The following KLHL10 variants were observed in gnomAD, a reference collection of about 807,000 sequenced individuals.
KLHL10 encodes the protein kelch-like protein 10.
Under a neutral mutation model 46.6 loss-of-function variants are expected in KLHL10, and 11 were observed. The observed-to-expected ratio is 0.24, with a 90% CI of 0.15 to 0.39. The LOEUF (loss-of-function observed/expected upper bound fraction) is 0.39, where lower values mean the gene tolerates loss of function less well. Ranked by LOEUF, KLHL10 falls within the 10% of genes least tolerant of loss-of-function variation. The probability of loss-of-function intolerance (pLI) is 1.00; values close to 1 mark genes in which losing one functional copy is unlikely to be tolerated. For synonymous variants in KLHL10, 254 were observed against 279.1 expected (o/e 0.91, Z 0.90); for missense variants, 475 against 789.8 (o/e 0.60, Z 4.78).
intron 1 of KLHL10, 77 bp from the exon 2 acceptor site, chr17:41,841,746 T>C (rs781812211): frequency 3.8e-6 from 6 of 1,584,892 alleles, no homozygotes; most frequent in Non-Finnish European, 5.2e-6. Context: ...CACCCCACTT[T>C]CTCAGACCAT....
Position 41,845,600 on chromosome 17 carries a change from T to C in KLHL10, c.1159T>C (p.Phe387Leu), listed in dbSNP as rs1378117680. 1.2e-6 allele frequency: 2 copies of C among 1,614,076 alleles called. No homozygotes were observed. The highest frequency in any genetic ancestry group is 1.7e-6 in the Non-Finnish European group (2 of 1,179,956). ...CYVSVTVLGN[F>L]IYAMGGFDGY... The stretch of plus-strand genomic sequence containing the variant: ...TGTCAGTGTGACAGTCCTCGGCAAT[T>C]TTATTTATGCCATGGGAGGATTTGA... Residue 387 changes from phenylalanine to leucine, a missense_variant, in exon 3 of 5, where the codon TTT becomes CTT. Transcript: ENST00000293303.
upstream of KLHL10, chr17:41,836,369 G>T (rs1474594816): frequency 4.9e-6 from 6 of 1,225,644 alleles, no homozygotes; most frequent in Non-Finnish European, 1.0e-6. Flanking sequence ...TGGGCTTGCC[G>T]GTTGCGCTAG....
upstream of KLHL10, chr17:41,835,935 G>A (rs781844116): frequency 1.1e-4 from 168 of 1,598,524 alleles, no homozygotes; most frequent in Admixed American, 1.5e-4. Context: ...CATCAGGACC[G>A]TGGCCTTCAT....
At chr17:41,842,708 T>C (rs2048238970) in intron 2 of KLHL10, among the ~76,000 whole-genome samples, 1 of 151,976 alleles carries the variant, frequency 6.6e-6, no homozygotes, top group Admixed American at 6.6e-5. Flanking sequence ...TTGGCCAAGA[T>C]GGGCGGATTA....
chr17:41,844,581 C>A (rs1393202994), intron 2 of KLHL10, among the ~76,000 whole-genome samples: 1 of 134,502 alleles, frequency 7.4e-6, no homozygotes, highest in African/African-American at 2.9e-5. Context: ...CGGAGTCTTG[C>A]TCTGTGGCCC....
chr17:41,845,268 A>C lies in KLHL10; in HGVS notation c.827A>C (p.Asn276Thr). The C allele has an allele frequency of 1.2e-6, 2 of 1,614,182 alleles. No individual in the cohort carries two copies. Among genetic ancestry groups the C allele is most frequent in the Non-Finnish European group, 1.7e-6 (2 of 1,180,026 alleles). ...MYDLNMNGPSNSDFTNPLTRP... is the reference protein window; with the variant it reads ...MYDLNMNGPSTSDFTNPLTRP... Reference sequence around the variant, plus strand: ...GACCTCAACATGAATGGACCCTCTAATTCTGATTTCACCAACCCACTCACC... The same window carrying C: ...GACCTCAACATGAATGGACCCTCTACTTCTGATTTCACCAACCCACTCACC... Residue 276 changes from asparagine (N) to threonine (T), a missense_variant, in exon 3 of 5, where the codon AAT (asparagine) becomes ACT (threonine). By Grantham distance (65) the Asn-to-Thr change is moderately conservative. Transcript: ENST00000293303.
intron 1 of KLHL10, among the ~76,000 whole-genome samples, chr17:41,839,658 C>T (rs2048206738): frequency 6.6e-6 from 1 of 152,182 alleles, no homozygotes; most frequent in Non-Finnish European, 1.5e-5. Flanking sequence ...TGTGTCCTAC[C>T]TGTTGCTAAA....
In KLHL10 at chr17:41,847,141, CA is replaced by C. The variant is rs372363065; in HGVS notation, c.1303-112del. 621 of 888,984 alleles carry C rather than the reference CA, an allele frequency of 7.0e-4. 3 individuals carry two copies. Among genetic ancestry groups the C allele is most frequent in the South Asian group, 1.8e-3 (130 of 74,222 alleles). 55.1% of individuals were successfully genotyped at this position (888,984 alleles called of 1,614,324 possible). On this transcript the variant is annotated intron_variant, in intron 3 of 4. Transcript: ENST00000293303. ...AAATAAAAAGCAATGCATGCACATA[CA>C]AAAAAAAGAAATTCAGACTGTACAG...
chr17:41,841,728 C>CATGA, intron 1 of KLHL10, 95 bp from the exon 2 acceptor site: 3 of 1,447,758 alleles, frequency 2.1e-6, no homozygotes, highest in Non-Finnish European at 2.9e-6. Context: ...GTATATAGCA[C>CATGA]ATGCCTGCAC....
At chr17:41,838,248 T>A in intron 1 of KLHL10, 122 bp downstream of exon 1, 2 of 882,654 alleles carry the variant, frequency 2.3e-6, no homozygotes, top group Non-Finnish European at 3.5e-6. Flanking sequence ...AGCTCTGGGC[T>A]CCTTAAAAAT....
rs572837256 is a variant in KLHL10, at chr17:41,844,887, T to C, written c.685-239T>C. On this transcript the variant is annotated intron_variant, in intron 2 of 4. Transcript: ENST00000293303. ...TTTTAGTAGAGACAGGGTCTTGCTA[T>C]GTTGCCAGGCTGGTCTCAAACTCCT... Among the ~76,000 whole-genome samples, 312 of 152,116 alleles carry C rather than the reference T, an allele frequency of 2.1e-3. 2 individuals are homozygous for C. Among genetic ancestry groups the C allele is most frequent in the Non-Finnish European group, 3.3e-3 (221 of 67,982 alleles).
intron 3 of KLHL10, among the ~76,000 whole-genome samples, chr17:41,846,191 G>A (rs1191779609): frequency 2.7e-5 from 4 of 150,120 alleles, no homozygotes; most frequent in African/African-American, 9.8e-5. Context: ...CAGCCCGGGC[G>A]ACAGTGCAAG....
upstream of KLHL10, chr17:41,835,719 C>G (rs1555619823): frequency 2.2e-6 from 2 of 898,746 alleles, no homozygotes; most frequent in Non-Finnish European, 3.6e-6. Flanking sequence ...AACCAACCCG[C>G]TCTCCTTCAA....
At chr17:41,841,781 G>C (rs368986930) in intron 1 of KLHL10, 42 bp from the exon 2 acceptor site, 70 of 1,613,710 alleles carry the variant, frequency 4.3e-5, no homozygotes, top group Non-Finnish European at 5.6e-5. Flanking sequence ...CCTAACAGGA[G>C]AGAAATGTTT....
Position 41,847,975 on chromosome 17 carries a change from G to A in KLHL10, c.1495G>A (p.Ala499Thr), listed in dbSNP as rs782798161. Residue 499 changes from alanine to threonine, a missense_variant, in exon 5 of 5, where the codon GCC (alanine) becomes ACC (threonine). Transcript: ENST00000293303. ...DGANRLRSAE[A>T]YSPVANTWRT... Reference sequence around the variant, plus strand: ...AGCTAATCGACTTAGGAGTGCCGAAGCCTACAGCCCTGTGGCTAACACTTG... The same window carrying A: ...AGCTAATCGACTTAGGAGTGCCGAAACCTACAGCCCTGTGGCTAACACTTG... 7.4e-6 allele frequency: 12 copies of A among 1,614,190 alleles called. 1 individual carries two copies. The South Asian group carries it at 1.1e-4, about 15-fold the overall frequency.
At chr17:41,845,975 G>A (rs2048280299) in intron 3 of KLHL10, among the ~76,000 whole-genome samples, 1 of 152,128 alleles carries the variant, frequency 6.6e-6, no homozygotes, top group African/African-American at 2.4e-5. Flanking sequence ...ACTTTGGGAG[G>A]CCGAGGCAAG....
At position 41,844,287 on chromosome 17, in the gene KLHL10, G is replaced by C. The variant is rs1597937994; in HGVS notation, c.685-839G>C. ...GCTCTGTTGCCCAGGCTGGAGTGTG[G>C]TAGCACGATCTCGGCTCACTGCAAC... On this transcript the variant is annotated intron_variant, in intron 2 of 4. Coordinates refer to ENST00000293303, the MANE Select transcript of KLHL10 (RefSeq NM_152467.5). Among the ~76,000 whole-genome samples, 6 of 151,580 alleles carry C rather than the reference G, an allele frequency of 4.0e-5. No individual in the cohort carries two copies. In the East Asian group the frequency reaches 9.8e-4, roughly 25 times the overall value.
chr17:41,848,352 T>A lies in KLHL10; in HGVS notation c.*45T>A. On this transcript the variant is annotated 3_prime_UTR_variant, in exon 5 of 5. Coordinates refer to ENST00000293303, the MANE Select transcript of KLHL10 (RefSeq NM_152467.5). ...AAAAAGTCTAAGCAATAAGAATTAA[T>A]TCTTTTTTTAAAAAAATGCAGTGTT... is the stretch of plus-strand genomic sequence containing the variant. 6.3e-7 allele frequency: 1 copy of A among 1,584,234 alleles called. No homozygotes were observed. Among genetic ancestry groups the A allele is most frequent in the Non-Finnish European group, 8.5e-7 (1 of 1,171,102 alleles).
In KLHL10 at chr17:41,845,305, G is replaced by A. The variant is rs782475976; in HGVS notation, c.864G>A (p.Leu288=). The A allele has an allele frequency of 5.6e-6, 9 of 1,614,104 alleles. No homozygotes were observed. The African/African-American group carries it at 6.7e-5, about 12-fold the overall frequency. ...CCAACCCACTCACCAGACCACGCTTGCCCTATGCCATCCTCTTTGCAATTG... is the reference window on the plus strand; with the variant it reads ...CCAACCCACTCACCAGACCACGCTTACCCTATGCCATCCTCTTTGCAATTG... ...DFTNPLTRPR[L]PYAILFAIGG... Residue 288 remains leucine (L), a synonymous_variant, in exon 3 of 5, where the codon TTG becomes TTA. Transcript: ENST00000293303.
Sources: allele counts gnomAD v4.1 joint callset (sites outside exome capture counted in the v4.1 genomes callset), GRCh38; gene constraint gnomAD v4.1.1; transcripts MANE v1.5; gene names NCBI Gene and HGNC (gene_info 2026-07-23, HGNC 2026-07-21).